Variants in SIL1 observed in about 807,000 individuals in gnomAD.
SIL1 encodes SIL1 nucleotide exchange factor, also known as nucleotide exchange factor SIL1.
A neutral mutation model predicts 49.1 loss-of-function variants in SIL1; 40 were observed. The observed-to-expected ratio is 0.81, with a 90% CI of 0.63 to 1.06. The LOEUF is 1.06. SIL1 is among the 50% of genes least tolerant of loss of function. The pLI is 0.00. For missense variants in SIL1, 500 were observed against 572.6 expected (o/e 0.87, Z 1.29); for synonymous variants, 253 against 250.8 (o/e 1.01, Z -0.08).
chr5:139,027,608 AT>A (rs1768688996), intron 5 of SIL1, among the ~76,000 whole-genome samples: 1 of 152,178 alleles, frequency 6.6e-6, no homozygotes. Flanking sequence ...ATCTCGAACA[AT>A]TTTCTCTGAA....
At chr5:139,105,742 C>T (rs1021282966) in intron 3 of SIL1, among the ~76,000 whole-genome samples, 1 of 152,190 alleles carries the variant, frequency 6.6e-6, no homozygotes, top group Non-Finnish European at 1.5e-5. Flanking sequence ...CTCCAACGGC[C>T]GCCTCCTCCA....
At chr5:139,195,330 A>G (rs564858148) in intron 1 of SIL1, among the ~76,000 whole-genome samples, 2 of 152,306 alleles carry the variant, frequency 1.3e-5, no homozygotes, top group South Asian at 4.1e-4. Flanking sequence ...AAGAGCTTTC[A>G]TGTGTAATAC....
chr5:139,013,518 G>A (rs1296812186), intron 7 of SIL1: 4 of 152,132 alleles, frequency 2.6e-5, no homozygotes, highest in Admixed American at 6.5e-5. Flanking sequence ...TCAGTGTTTT[G>A]TATCTCTTAG....
At chr5:139,142,935 AT>A (rs574516346) in intron 1 of SIL1, among the ~76,000 whole-genome samples, 2 of 151,410 alleles carry the variant, frequency 1.3e-5, no homozygotes, top group African/African-American at 4.9e-5. Context: ...CGCCTGGCTA[AT>A]TTTTTTTGTA....
At chr5:139,032,383 A>G (rs902489239) in intron 5 of SIL1, among the ~76,000 whole-genome samples, 1 of 152,200 alleles carries the variant, frequency 6.6e-6, no homozygotes, top group Non-Finnish European at 1.5e-5. Context: ...TTTTTTGTAC[A>G]CTGAACCAGC....
chr5:139,095,845 A>C (rs965548687), intron 3 of SIL1, among the ~76,000 whole-genome samples: 39 of 152,134 alleles, frequency 2.6e-4, no homozygotes, highest in African/African-American at 9.4e-4. Flanking sequence ...AAAAAAAAAA[A>C]AAATTTAAAG....
chr5:139,039,832 C>G (rs1322091218), intron 5 of SIL1, among the ~76,000 whole-genome samples: 1 of 152,122 alleles, frequency 6.6e-6, no homozygotes, highest in Non-Finnish European at 1.5e-5. Context: ...AACATAAAAG[C>G]ATCAAGCAAT....
chr5:139,054,020 C>G (rs151323979), intron 3 of SIL1, among the ~76,000 whole-genome samples: 97 of 152,342 alleles, frequency 6.4e-4, no homozygotes, highest in African/African-American at 1.9e-3. Context: ...GAGGCCCTTG[C>G]CTATAGTCCC....
intron 1 of SIL1, among the ~76,000 whole-genome samples, chr5:139,128,389 T>C (rs1425359390): frequency 1.3e-5 from 2 of 152,034 alleles, no homozygotes; most frequent in Non-Finnish European, 2.9e-5. Context: ...CCCCAGTAGC[T>C]ATTAAAAGGA....
chr5:139,171,729 GA>G (rs1232466869), intron 1 of SIL1, among the ~76,000 whole-genome samples: 12 of 141,094 alleles, frequency 8.5e-5, no homozygotes, highest in Admixed American at 7.6e-4. Flanking sequence ...AAATAAAAAA[GA>G]AAAAAAAAGA....
chr5:138,974,029 G>T (rs965408234), intron 7 of SIL1, among the ~76,000 whole-genome samples: 2 of 152,060 alleles, frequency 1.3e-5, no homozygotes, highest in African/African-American at 4.8e-5. Context: ...GAAAGAAGAG[G>T]CTCCTCAGGT....
chr5:139,106,236 A>C (rs891986944), intron 3 of SIL1, among the ~76,000 whole-genome samples: 1 of 152,202 alleles, frequency 6.6e-6, no homozygotes, highest in Non-Finnish European at 1.5e-5. Flanking sequence ...CTGCATTCAC[A>C]AGGTTTTGGG....
At chr5:139,120,133 G>A (rs1750593203) in intron 3 of SIL1, among the ~76,000 whole-genome samples, 1 of 152,264 alleles carries the variant, frequency 6.6e-6, no homozygotes, top group African/African-American at 2.4e-5. Context: ...AGTGGGGGCA[G>A]TGAGGACATG....
chr5:139,150,684 A>G (rs955629433), intron 1 of SIL1, among the ~76,000 whole-genome samples: 15 of 152,290 alleles, frequency 9.8e-5, no homozygotes, highest in Admixed American at 3.3e-4. Flanking sequence ...GGCTCTCAAT[A>G]AAAGCCACTT....
chr5:139,022,432 AT>A (rs1768549459), intron 6 of SIL1: 1 of 152,188 alleles, frequency 6.6e-6, no homozygotes, highest in African/African-American at 2.4e-5. Context: ...ATTCATACAC[AT>A]TTGGATGGAA....
At chr5:139,144,162 G>T (rs1751147359) in intron 1 of SIL1, among the ~76,000 whole-genome samples, 1 of 152,086 alleles carries the variant, frequency 6.6e-6, no homozygotes, top group Non-Finnish European at 1.5e-5. Flanking sequence ...CAATCTTGAA[G>T]CAGGAGAACA....
chr5:139,014,677 C>T (rs1028402435), intron 7 of SIL1, among the ~76,000 whole-genome samples: 5 of 152,182 alleles, frequency 3.3e-5, no homozygotes, highest in African/African-American at 1.2e-4. Flanking sequence ...ATTTTCCATT[C>T]GTCATTATTT....
chr5:138,991,058 C>T (rs527328284), intron 7 of SIL1, among the ~76,000 whole-genome samples: 52 of 152,270 alleles, frequency 3.4e-4, no homozygotes, highest in Admixed American at 4.6e-4. Context: ...TTCCTTTTTC[C>T]GGGTGATCTG....
chr5:139,157,942 T>C (rs777004064), intron 1 of SIL1, among the ~76,000 whole-genome samples: 3 of 152,240 alleles, frequency 2.0e-5, no homozygotes, highest in Non-Finnish European at 4.4e-5. Context: ...CTTCCTTCAA[T>C]CCTTCAAGGT....
Sources: allele counts gnomAD v4.1 joint callset (sites outside exome capture counted in the v4.1 genomes callset), GRCh38; gene constraint gnomAD v4.1.1; transcripts MANE v1.5; gene names NCBI Gene and HGNC (gene_info 2026-07-23, HGNC 2026-07-21).